FYN: variants seen among roughly 807,000 people sequenced by gnomAD.
FYN encodes the protein tyrosine-protein kinase Fyn.
Under a neutral mutation model 70.2 loss-of-function variants are expected in FYN, and 10 were observed. That is an observed-to-expected ratio of 0.14 (90% CI 0.09 to 0.24). The LOEUF is 0.24. FYN is among the 10% of genes least tolerant of loss of function. The pLI is 1.00. For missense variants in FYN, 319 were observed against 673.1 expected (o/e 0.47, Z 5.82); for synonymous variants, 236 against 248.6 (o/e 0.95, Z 0.48).
At chr6:111,740,726 A>G (rs183167290) in intron 3 of FYN, among the ~76,000 whole-genome samples, 2 of 152,322 alleles carry the variant, frequency 1.3e-5, no homozygotes, top group Admixed American at 1.3e-4. Context: ...TTCTTTGAAC[A>G]CACTCTGCTC....
intron 9 of FYN, 191 bp downstream of exon 9, chr6:111,699,913 C>CTTTTTT (rs71021861): frequency 1.8e-4 from 33 of 186,558 alleles, no homozygotes; most frequent in African/African-American, 5.2e-4. Flanking sequence ...CACTTACTAT[C>CTTTTTT]TTTTTTTTTT....
chr6:111,708,562 C>T (rs1041849383), intron 5 of FYN, among the ~76,000 whole-genome samples: 2 of 152,138 alleles, frequency 1.3e-5, no homozygotes, highest in African/African-American at 4.8e-5. Flanking sequence ...TAAACACGTG[C>T]CTGGCTTGCT....
chr6:111,771,831 G>T (rs1283402304), intron 3 of FYN, among the ~76,000 whole-genome samples: 1 of 152,166 alleles, frequency 6.6e-6, no homozygotes, highest in African/African-American at 2.4e-5. Flanking sequence ...GAGGTGCATA[G>T]CTTGTGCTTC....
At chr6:111,806,824 T>C (rs1204871357) in intron 2 of FYN, among the ~76,000 whole-genome samples, 11 of 152,056 alleles carry the variant, frequency 7.2e-5, no homozygotes. Context: ...GTGGGAAATG[T>C]TTTAGATGGT....
chr6:111,782,061 G>A (rs551997958), intron 2 of FYN, among the ~76,000 whole-genome samples: 8 of 152,032 alleles, frequency 5.3e-5, no homozygotes, highest in African/African-American at 4.8e-5. Context: ...CAACTTCATC[G>A]GCCCCCTGAA....
intron 3 of FYN, among the ~76,000 whole-genome samples, chr6:111,720,986 T>A (rs2128462856): frequency 6.6e-6 from 1 of 152,268 alleles, no homozygotes; most frequent in Non-Finnish European, 1.5e-5. Context: ...ACTCTTCCTG[T>A]CTCGGCTCTC....
chr6:111,721,715 C>T (rs190454926), intron 3 of FYN, among the ~76,000 whole-genome samples: 1 of 151,842 alleles, frequency 6.6e-6, no homozygotes, highest in Non-Finnish European at 1.5e-5. Flanking sequence ...CCTCCTGTGA[C>T]TTTTATCAGC....
chr6:111,712,823 T>G (rs953668659), intron 5 of FYN, among the ~76,000 whole-genome samples: 1 of 152,172 alleles, frequency 6.6e-6, no homozygotes, highest in South Asian at 2.1e-4. Context: ...CACACAGGCA[T>G]GTTCAGCTTG....
intron 8 of FYN, among the ~76,000 whole-genome samples, chr6:111,700,817 G>A (rs1233379709): frequency 6.6e-6 from 1 of 152,102 alleles, no homozygotes; most frequent in Non-Finnish European, 1.5e-5. Flanking sequence ...AACTTTAGTG[G>A]AGGATCCTTC....
At chr6:111,775,707 G>GT (rs1309837509) in intron 3 of FYN, among the ~76,000 whole-genome samples, 5 of 152,190 alleles carry the variant, frequency 3.3e-5, no homozygotes, top group African/African-American at 1.2e-4. Flanking sequence ...TGGAGAGGCT[G>GT]TTAAGAATAA....
intron 3 of FYN, among the ~76,000 whole-genome samples, chr6:111,723,937 A>G (rs1382834131): frequency 1.3e-5 from 2 of 152,178 alleles, no homozygotes; most frequent in Admixed American, 6.5e-5. Context: ...ACTCATGGCT[A>G]TAGTCTTCTG....
chr6:111,702,465 A>AACAT (rs1799883627), intron 8 of FYN: 2 of 156,064 alleles, frequency 1.3e-5, no homozygotes, highest in African/African-American at 4.8e-5. Context: ...ATGTACGTGC[A>AACAT]GCTATTCCTG....
intron 3 of FYN, among the ~76,000 whole-genome samples, chr6:111,731,886 A>G (rs1466259276): frequency 6.6e-6 from 1 of 152,204 alleles, no homozygotes; most frequent in Non-Finnish European, 1.5e-5. Context: ...TGCGTGTCTC[A>G]GTAAAGTTTT....
In FYN at chr6:111,661,777, C is replaced by A; in HGVS notation, c.1576G>T (p.Ala526Ser). The A allele has an allele frequency of 6.2e-7, 1 of 1,614,134 alleles. No individual in the cohort carries two copies. The change falls in exon 14 of 14, where the codon GCG becomes TCG. Residue 526 changes from alanine to serine, a missense_variant. Coordinates refer to ENST00000354650, the MANE Select transcript of FYN (RefSeq NM_002037.5). The surrounding 1 kb of genome is among the most constrained non-coding windows in gnomAD (Gnocchi z 4.0). The stretch of plus-strand genomic sequence containing the variant: ...CCAGGTTGGTACTGGGGCTCTGTCG[C>A]GGTAAAGTAGTCTTCCAGGAAGCTC... ...LQSFLEDYFT[A>S]TEPQYQPGEN...
chr6:111,711,146 C>A lies in FYN; in HGVS notation c.345-3126G>T, dbSNP rs77953430. 2.6e-3 allele frequency among the ~76,000 whole-genome samples: 391 copies of A among 152,180 alleles called. 11 individuals carry two copies. The East Asian group carries it at 0.07, about 27-fold the overall frequency. ...GCTGGGAGCCCTAGAGCCTTGGAGCCAGGGAGTAGTTATTTGCCAACAGAA... is the reference window on the plus strand; with the variant it reads ...GCTGGGAGCCCTAGAGCCTTGGAGCAAGGGAGTAGTTATTTGCCAACAGAA... On this transcript the variant is annotated intron_variant, in intron 5 of 13. Transcript: ENST00000354650.
At chr6:111,709,795 A>T (rs1461664429) in intron 5 of FYN, among the ~76,000 whole-genome samples, 1 of 152,132 alleles carries the variant, frequency 6.6e-6, no homozygotes, top group Admixed American at 6.5e-5. Context: ...ATCGTTACCA[A>T]CTGGGTGGGA....
chr6:111,765,555 C>T (rs1435654947), intron 3 of FYN, among the ~76,000 whole-genome samples: 1 of 152,196 alleles, frequency 6.6e-6, no homozygotes, highest in Non-Finnish European at 1.5e-5. Context: ...TTTCCCCTGA[C>T]ATAAATGCCC....
At chr6:111,713,390 AT>A (rs1800477324) in intron 5 of FYN, among the ~76,000 whole-genome samples, 1 of 152,092 alleles carries the variant, frequency 6.6e-6, no homozygotes, top group Non-Finnish European at 1.5e-5. Context: ...ATGGAATCTG[AT>A]TTGCTCAGAG....
intron 12 of FYN, among the ~76,000 whole-genome samples, chr6:111,687,214 C>T (rs1301068819): frequency 6.6e-6 from 1 of 152,178 alleles, no homozygotes; most frequent in Non-Finnish European, 1.5e-5. Context: ...ATGAAAACTG[C>T]AACAGTTAGT....
Sources: allele counts gnomAD v4.1 joint callset (sites outside exome capture counted in the v4.1 genomes callset), GRCh38; gene constraint gnomAD v4.1.1; non-coding constraint Gnocchi (gnomAD v3.1); transcripts MANE v1.5; gene names NCBI Gene and HGNC (gene_info 2026-07-23, HGNC 2026-07-21).